LEKR1: variants seen among roughly 807,000 people sequenced by gnomAD.
LEKR1 encodes protein LEKR1.
A neutral mutation model predicts 72.4 loss-of-function variants in LEKR1; 59 were observed. The ratio of observed to expected loss-of-function variants is 0.82; its 90% CI spans 0.66 to 1.01. The LOEUF (loss-of-function observed/expected upper bound fraction) is 1.01, where lower values mean the gene tolerates loss of function less well. Among genes scored for constraint, LEKR1 ranks in the 50% least tolerant of loss-of-function variants. The probability of loss-of-function intolerance (pLI) is 0.00; values close to 1 mark genes in which losing one functional copy is unlikely to be tolerated. For missense variants in LEKR1, 728 were observed against 759.2 expected, an observed-to-expected ratio of 0.96 and a Z score of 0.48; for synonymous variants, 257 against 263.2, an observed-to-expected ratio of 0.98 and a Z score of 0.23.
intron 3 of LEKR1, among the ~76,000 whole-genome samples, chr3:156,864,188 C>G (rs1167721306): frequency 6.6e-6 from 1 of 151,776 alleles, no homozygotes; most frequent in Non-Finnish European, 1.5e-5. Context: ...TACCTTCTCT[C>G]TTTCTTTTTC....
intron 3 of LEKR1, among the ~76,000 whole-genome samples, chr3:156,897,418 C>G (rs1041039766): frequency 6.6e-6 from 1 of 151,860 alleles, no homozygotes; most frequent in African/African-American, 2.4e-5. Flanking sequence ...AGAACATGTG[C>G]TCAAGGTGGT....
intron 4 of LEKR1, among the ~76,000 whole-genome samples, chr3:156,921,906 A>G (rs1724233925): frequency 6.6e-6 from 1 of 152,188 alleles, no homozygotes; most frequent in Admixed American, 6.6e-5. Context: ...GAAGAAACAT[A>G]GACATACAAA....
intron 6 of LEKR1, among the ~76,000 whole-genome samples, chr3:156,955,043 T>G (rs1727498515): frequency 6.6e-6 from 1 of 152,074 alleles, no homozygotes; most frequent in African/African-American, 2.4e-5. Flanking sequence ...GAGCAGTCAT[T>G]TGTAGTTCTC....
At chr3:156,942,850 C>T (rs367644548) in intron 6 of LEKR1, 136 bp downstream of exon 6, 8 of 354,814 alleles carry the variant, frequency 2.3e-5, no homozygotes, top group African/African-American at 6.9e-5. Context: ...TTATTAGTAT[C>T]ACTATGGTGA....
At chr3:156,912,398 G>T (rs565698894) in intron 3 of LEKR1, among the ~76,000 whole-genome samples, 1 of 152,250 alleles carries the variant, frequency 6.6e-6, no homozygotes, top group South Asian at 2.1e-4. Flanking sequence ...ATAAGGAGTG[G>T]GGGGTAGCAG....
At chr3:157,025,230 C>T (rs1734101915) in intron 11 of LEKR1, among the ~76,000 whole-genome samples, 1 of 152,098 alleles carries the variant, frequency 6.6e-6, no homozygotes, top group Non-Finnish European at 1.5e-5. Context: ...CCTCAAATAT[C>T]CAACATTGAA....
At chr3:156,911,644 T>C (rs868771225) in intron 3 of LEKR1, among the ~76,000 whole-genome samples, 20 of 152,290 alleles carry the variant, frequency 1.3e-4, no homozygotes, top group African/African-American at 4.8e-4. Context: ...AGGTCTTACA[T>C]TTAAATCTTT....
chr3:156,942,296 A>T (rs1726279380), intron 5 of LEKR1, among the ~76,000 whole-genome samples: 1 of 146,066 alleles, frequency 6.8e-6, no homozygotes, highest in South Asian at 2.1e-4. Flanking sequence ...TTTAAAAGCT[A>T]AAAAAAATAC....
At chr3:156,973,132 C>T (rs1729388039) in intron 6 of LEKR1, among the ~76,000 whole-genome samples, 1 of 151,984 alleles carries the variant, frequency 6.6e-6, no homozygotes. Flanking sequence ...TAATTCTAAA[C>T]ATATTTGCAG....
At chr3:156,982,457 C>G (rs1050570269) in intron 7 of LEKR1, among the ~76,000 whole-genome samples, 1 of 152,194 alleles carries the variant, frequency 6.6e-6, no homozygotes, top group South Asian at 2.1e-4. Context: ...CCTTATATTT[C>G]CTTGTCTAGA....
intron 5 of LEKR1, among the ~76,000 whole-genome samples, chr3:156,932,760 G>A (rs1367872734): frequency 1.3e-5 from 2 of 151,044 alleles, no homozygotes; most frequent in African/African-American, 2.4e-5. Context: ...GCTGGGCATG[G>A]TGGCTCACGC....
chr3:156,912,666 G>T (rs1391494768), intron 3 of LEKR1, among the ~76,000 whole-genome samples: 1 of 152,172 alleles, frequency 6.6e-6, no homozygotes, highest in Non-Finnish European at 1.5e-5. Flanking sequence ...ATTTCAGTTG[G>T]TAGCTTCTTT....
At chr3:157,004,667 C>T (rs1367821145) in intron 9 of LEKR1, among the ~76,000 whole-genome samples, 1 of 152,020 alleles carries the variant, frequency 6.6e-6, no homozygotes, top group Non-Finnish European at 1.5e-5. Context: ...AAATCAAATA[C>T]AGAAAATTAT....
At chr3:156,905,937 C>G (rs902524129) in intron 3 of LEKR1, among the ~76,000 whole-genome samples, 7 of 152,112 alleles carry the variant, frequency 4.6e-5, no homozygotes, top group Admixed American at 3.3e-4. Flanking sequence ...CCTGTCCGAC[C>G]TTAGTAGGAT....
At chr3:156,930,412 C>A (rs1029473772) in intron 5 of LEKR1, among the ~76,000 whole-genome samples, 2 of 151,792 alleles carry the variant, frequency 1.3e-5, no homozygotes, top group African/African-American at 4.8e-5. Context: ...TAAAGTATGT[C>A]AATGTAACAT....
chr3:156,950,594 T>TTG (rs750137475), intron 6 of LEKR1, among the ~76,000 whole-genome samples: 148 of 150,190 alleles, frequency 9.9e-4, no homozygotes, highest in Middle Eastern at 3.4e-3. Context: ...CCTAGGAATT[T>TTG]TGTGTGTGTG....
chr3:156,937,931 G>T (rs146691646), intron 5 of LEKR1, among the ~76,000 whole-genome samples: 1,631 of 152,268 alleles, frequency 0.011, 16 homozygotes, highest in Admixed American at 0.014. Context: ...CATAAGATAT[G>T]ATTTTGTTTA....
At chr3:156,908,829 A>G (rs1468772197) in intron 3 of LEKR1, among the ~76,000 whole-genome samples, 1 of 152,042 alleles carries the variant, frequency 6.6e-6, no homozygotes, top group African/African-American at 2.4e-5. Flanking sequence ...AAGAATATTC[A>G]TTATTTGTTC....
At chr3:156,972,193 T>G (rs10936042) in intron 6 of LEKR1, among the ~76,000 whole-genome samples, 77,224 of 151,828 alleles carry the variant, frequency 0.51, 21,272 homozygotes, top group East Asian at 0.73. Context: ...CCTTTGTAGG[T>G]ACATGGATGA....
Sources: gnomAD v4.1 joint callset for allele counts (sites outside exome capture counted in the v4.1 genomes callset) on GRCh38, gnomAD v4.1.1 for gene constraint, MANE v1.5 for transcripts, NCBI Gene and HGNC (gene_info 2026-07-23, HGNC 2026-07-21) for gene names.